Variants in ADPGK observed in about 807,000 individuals in gnomAD.
The protein encoded by ADPGK is ADP dependent glucokinase, also known as ADP-dependent glucokinase.
Under a neutral mutation model 42.4 loss-of-function variants are expected in ADPGK, and 26 were observed. The observed-to-expected ratio is 0.61, with a 90% CI of 0.45 to 0.85. ADPGK has a LOEUF of 0.85. Among genes scored for constraint, ADPGK ranks in the 40% least tolerant of loss-of-function variants. The pLI, the probability that ADPGK is intolerant of heterozygous loss-of-function variation, is 0.00. For missense variants in ADPGK, 571 were observed against 627.0 expected (o/e 0.91, Z 0.95); for synonymous variants, 267 against 252.6 (o/e 1.06, Z -0.54).
At chr15:72,768,414 C>T (rs1737930837) in intron 3 of ADPGK, among the ~76,000 whole-genome samples, 2 of 152,294 alleles carry the variant, frequency 1.3e-5, no homozygotes, top group Admixed American at 1.3e-4. Flanking sequence ...TTGGATGAAT[C>T]CAAGCACTAT....
chr15:72,769,241 A>G (rs182286599), intron 3 of ADPGK, among the ~76,000 whole-genome samples: 1 of 152,356 alleles, frequency 6.6e-6, no homozygotes, highest in Admixed American at 6.5e-5. Context: ...ATTACCATAT[A>G]TCAAACTAAA....
intron 5 of ADPGK, 62 bp from the exon 6 acceptor site, chr15:72,755,716 G>C: frequency 7.3e-5 from 92 of 1,268,942 alleles, no homozygotes; most frequent in Non-Finnish European, 9.2e-5. Context: ...AAAGAGGGAA[G>C]AAAAGATCAG....
At chr15:72,758,490 T>A (rs934299938) in intron 4 of ADPGK, 6 of 326,288 alleles carry the variant, frequency 1.8e-5, no homozygotes, top group Non-Finnish European at 3.5e-5. Flanking sequence ...AAGCTGGGAA[T>A]GGATTTCTGT....
rs1356027109 is a variant in ADPGK, at chr15:72,775,108, G to GA, written c.234-12dup. 2 of 1,609,386 alleles carry GA rather than the reference G, an allele frequency of 1.2e-6. No homozygotes were observed. Among genetic ancestry groups the GA allele is most frequent in the African/African-American group, 1.3e-5 (1 of 74,666 alleles). ...ACACATGCATTGACTCTAGAAGGAG[G>GA]AAAAAAACTGTGTGAAAGCAGCAGA... is the stretch of plus-strand genomic sequence containing the variant. On this transcript the variant is annotated splice_polypyrimidine_tract_variant and intron_variant, in intron 1 of 6. Transcript: ENST00000456471.
chr15:72,783,692 G>A lies in ADPGK; in HGVS notation c.-1C>T, dbSNP rs761941724. On this transcript the variant is annotated 5_prime_UTR_variant, in exon 1 of 7. Transcript: ENST00000456471. ...ACGCGGAGCCGCGCCACAGCGCCAT[G>A]GGGACCCAGGCGCCGCACCTGCGCG... The A allele has an allele frequency of 2.0e-6, 3 of 1,475,036 alleles. No homozygotes were observed. The highest frequency in any genetic ancestry group is 2.6e-5 in the South Asian group (2 of 76,892). The allele number at this position is 1,475,036 out of a possible 1,614,324, so 91.4% of individuals were successfully genotyped here.
chr15:72,752,348 T>G lies in ADPGK; in HGVS notation c.1487A>C (p.His496Pro), dbSNP rs2066055657. The G allele has an allele frequency of 6.2e-7, 1 of 1,610,776 alleles. No individual in the cohort carries two copies. The highest frequency in any genetic ancestry group is 1.3e-5 in the African/African-American group (1 of 74,948). ...TTACCCCTAAGAATCTTCCTAATAG[T>G]GAGGGTGTACTTCCGAATAGAAGAG... Reference protein sequence around the residue: ...EGLFYSEVHPHY With the variant: ...EGLFYSEVHPPY Residue 496 changes from histidine (H) to proline (P), a missense_variant, in exon 7 of 7, where the codon CAC becomes CCC. Physicochemically the swap from His to Pro is moderately conservative, Grantham distance 77 (BLOSUM62 -2). This residue lies in a region of ADPGK where 434 missense variants were observed against 522.7 expected (regional missense o/e 0.83). Coordinates refer to ENST00000456471, the MANE Select transcript of ADPGK (RefSeq NM_001365225.1).
At chr15:72,775,973 A>C (rs2066387639) in intron 1 of ADPGK, among the ~76,000 whole-genome samples, 1 of 152,244 alleles carries the variant, frequency 6.6e-6, no homozygotes, top group Non-Finnish European at 1.5e-5. Flanking sequence ...TATACTTTAT[A>C]CATACAGCCT....
At chr15:72,755,432 G>A (rs2066098755) in intron 6 of ADPGK, 124 bp downstream of exon 6, 1 of 684,156 alleles carries the variant, frequency 1.5e-6, no homozygotes, top group Admixed American at 2.8e-5. Context: ...TTGGGTCTGA[G>A]TGACACAAAC....
intron 1 of ADPGK, among the ~76,000 whole-genome samples, chr15:72,775,516 T>C (rs1222919318): frequency 6.6e-6 from 1 of 152,236 alleles, no homozygotes; most frequent in Admixed American, 6.5e-5. Context: ...AATATGAGCA[T>C]TTAACTCATA....
At chr15:72,780,083 A>G (rs186316061) in intron 1 of ADPGK, among the ~76,000 whole-genome samples, 20 of 151,996 alleles carry the variant, frequency 1.3e-4, no homozygotes, top group Non-Finnish European at 2.1e-4. Flanking sequence ...CTCGGTGACA[A>G]TATCTGTTAT....
At chr15:72,755,834 C>T (rs2066105604) in intron 5 of ADPGK, 180 bp from the exon 6 acceptor site, 1 of 652,150 alleles carries the variant, frequency 1.5e-6, no homozygotes, top group Middle Eastern at 2.4e-4. Context: ...CTCTTCCCAC[C>T]AGGGAAGACT....
At chr15:72,758,389 A>T in intron 4 of ADPGK, 1 of 556,572 alleles carries the variant, frequency 1.8e-6, no homozygotes, top group African/African-American at 1.9e-5. Flanking sequence ...CCCAAGCCTG[A>T]CAATGGGCTT....
At chr15:72,780,064 G>C (rs74021505) in intron 1 of ADPGK, among the ~76,000 whole-genome samples, 1 of 152,182 alleles carries the variant, frequency 6.6e-6, no homozygotes, top group Admixed American at 6.5e-5. Context: ...ATAAATCAAT[G>C]TGAGAAGACT....
rs192369081 is a variant in ADPGK at position 72,755,295 on chromosome 15, T to C, written c.939+261A>G. Reference sequence around the variant, plus strand: ...GGCTTTCAGTTTTTTCCATTCACTTTCAACTTTTCCATTCCAGAGGAGAAA... The same window carrying C: ...GGCTTTCAGTTTTTTCCATTCACTTCCAACTTTTCCATTCCAGAGGAGAAA... On this transcript the variant is annotated intron_variant, in intron 6 of 6. Transcript: ENST00000456471. Among the ~76,000 whole-genome samples the C allele has an allele frequency of 1.6e-3, 248 of 152,372 alleles. 2 individuals are homozygous for C. The highest frequency in any genetic ancestry group is 1.3e-3 in the Non-Finnish European group (88 of 68,032).
In ADPGK at chr15:72,751,477, G is replaced by A. The variant is rs2066044927; in HGVS notation, c.*864C>T. The A allele has an allele frequency of 6.6e-6, 1 of 152,542 alleles. No homozygotes were observed. Among genetic ancestry groups the A allele is most frequent in the African/African-American group, 2.4e-5 (1 of 41,408 alleles). The allele number at this position is 152,542 out of a possible 1,614,324, so 9.4% of individuals were successfully genotyped here. A position where few individuals can be genotyped will look rare whatever the true frequency, so the allele number is the denominator to read the frequency against. ...TTTACTGATGATCCTGGAGCTCTGA[G>A]GTCAAACTCTTTAAATGATCAGTGA... On this transcript the variant is annotated 3_prime_UTR_variant, in exon 7 of 7. Coordinates refer to ENST00000456471, the MANE Select transcript of ADPGK (RefSeq NM_001365225.1).
intron 3 of ADPGK, among the ~76,000 whole-genome samples, chr15:72,767,468 G>A (rs1411759831): frequency 6.7e-6 from 1 of 150,292 alleles, no homozygotes; most frequent in African/African-American, 2.4e-5. Flanking sequence ...CAGAACACTC[G>A]ACCCAACAAC....
intron 5 of ADPGK, chr15:72,755,928 T>C: frequency 3.1e-6 from 2 of 647,206 alleles, no homozygotes; most frequent in South Asian, 3.0e-5. Flanking sequence ...AGTTGCAGCA[T>C]AGCTGATGTG....
rs186682922 is a variant in ADPGK, at chr15:72,779,390, A to G, written c.233+4069T>C. On this transcript the variant is annotated intron_variant, in intron 1 of 6. Coordinates refer to ENST00000456471, the MANE Select transcript of ADPGK (RefSeq NM_001365225.1). The stretch of plus-strand genomic sequence containing the variant: ...CAGCCTCCTGAGAAGCTGGGATTAC[A>G]GAAATGCATCACCACGCCTAATTTT... Among the ~76,000 whole-genome samples the G allele has an allele frequency of 2.7e-4, 41 of 152,052 alleles. No homozygotes were observed. The East Asian group carries it at 7.6e-3, about 28-fold the overall frequency.
At chr15:72,782,894 G>T (rs1188877033) in intron 1 of ADPGK, 1 of 152,310 alleles carries the variant, frequency 6.6e-6, no homozygotes, top group African/African-American at 2.4e-5. Flanking sequence ...CAGTGTCACT[G>T]AAGTCAGGGG....
Sources: gnomAD v4.1 joint callset for allele counts (sites outside exome capture counted in the v4.1 genomes callset) on GRCh38, gnomAD v4.1.1 for gene constraint, gnomAD v4.1.1 regional missense constraint, MANE v1.5 for transcripts, NCBI Gene and HGNC (gene_info 2026-07-23, HGNC 2026-07-21) for gene names.